Variants in HIBCH observed in about 807,000 individuals in gnomAD.
HIBCH encodes the protein 3-hydroxyisobutyryl-CoA hydrolase, mitochondrial.
Under a neutral mutation model 58.2 loss-of-function variants are expected in HIBCH, and 50 were observed. The observed-to-expected ratio is 0.86, with a 90% CI of 0.68 to 1.09. The LOEUF (loss-of-function observed/expected upper bound fraction) is 1.09, where lower values mean the gene tolerates loss of function less well. Among genes scored for constraint, HIBCH ranks in the 50% least tolerant of loss-of-function variants. HIBCH has a pLI of 0.00. For synonymous variants in HIBCH, 151 were observed against 146.9 expected, an observed-to-expected ratio of 1.03 and a Z score of -0.20; for missense variants, 450 against 449.7, an observed-to-expected ratio of 1.00 and a Z score of -0.01.
chr2:190,196,377 A>G (rs766113362), intron 1 of HIBCH, among the ~76,000 whole-genome samples: 1 of 151,952 alleles, frequency 6.6e-6, no homozygotes, highest in Non-Finnish European at 1.5e-5. Context: ...TGTACATTTC[A>G]GTTACTGATT....
chr2:190,197,109 A>G lies in HIBCH; in HGVS notation c.*18-7112T>C, dbSNP rs948316556. On this transcript the variant is annotated intron_variant, in intron 1 of 1. Transcript: ENST00000399855. The surrounding 1 kb of genome is among the most constrained non-coding windows in gnomAD (Gnocchi z 4.0). Reference sequence around the variant, plus strand: ...CTTTTATGAGAGCACTAAAACTCTAATATCATCACCCAAAGGCCCCACCTC... The same window carrying G: ...CTTTTATGAGAGCACTAAAACTCTAGTATCATCACCCAAAGGCCCCACCTC... 6.6e-6 allele frequency among the ~76,000 whole-genome samples: 1 copy of G among 152,144 alleles called. No individual in the cohort carries two copies. Among genetic ancestry groups the G allele is most frequent in the African/African-American group, 2.4e-5 (1 of 41,422 alleles).
chr2:190,200,201 G>C, downstream of HIBCH: 1 of 1,488,876 alleles, frequency 6.7e-7, no homozygotes, highest in South Asian at 1.2e-5. Flanking sequence ...GAATAAATGT[G>C]ACAAAAGCAA....
intron 1 of HIBCH, among the ~76,000 whole-genome samples, chr2:190,196,403 A>G (rs939936161): frequency 6.6e-6 from 1 of 151,828 alleles, no homozygotes; most frequent in African/African-American, 2.4e-5. Flanking sequence ...TTTTTATTTT[A>G]CAATTTCCAT....
intron 5 of HIBCH, among the ~76,000 whole-genome samples, chr2:190,289,810 C>T (rs2582742): frequency 0.72 from 110,096 of 152,082 alleles, 40,335 homozygotes; most frequent in Non-Finnish European, 0.75. Context: ...TACTTCATTT[C>T]ATAGAGAAAA....
At chr2:190,228,836 AT>A (rs962330942) in intron 11 of HIBCH, among the ~76,000 whole-genome samples, 59 of 152,312 alleles carry the variant, frequency 3.9e-4, no homozygotes, top group African/African-American at 1.3e-3. Flanking sequence ...TCTCATTTCA[AT>A]TCAAAAATAT....
At chr2:190,296,786 T>C (rs2105992483) in intron 3 of HIBCH, 27 bp downstream of exon 3, 2 of 1,587,890 alleles carry the variant, frequency 1.3e-6, no homozygotes, top group Non-Finnish European at 1.7e-6. Flanking sequence ...AAAGAATCCA[T>C]ATAATTGCAA....
intron 6 of HIBCH, among the ~76,000 whole-genome samples, chr2:190,264,295 A>T (rs565168143): frequency 4.6e-4 from 68 of 147,912 alleles, no homozygotes; most frequent in African/African-American, 1.6e-3. Flanking sequence ...TTTTTTTTTT[A>T]AACTCTCTTG....
At chr2:190,202,311 A>C (rs1389289906), downstream of HIBCH, 4 of 167,064 alleles carry the variant, frequency 2.4e-5, no homozygotes, top group Non-Finnish European at 4.4e-5. Flanking sequence ...TGAAACACTT[A>C]TGTCTGAAAT....
Position 190,216,121 on chromosome 2 carries a change from T to G in HIBCH, c.892-3046A>C, listed in dbSNP as rs1685518713. The G allele has an allele frequency of 6.7e-6, 1 of 150,296 alleles. No individual in the cohort carries two copies. The highest frequency in any genetic ancestry group is 2.5e-5 in the African/African-American group (1 of 40,518). The allele number at this position is 150,296 out of a possible 1,614,324, so 9.3% of individuals were successfully genotyped here. ...AAAATAATGTAAAAGGAAGAAAGAG[T>G]ACAAGAGGAGGTGAGAGGATGTGGA... On this transcript the variant is annotated intron_variant, in intron 11 of 13. Transcript: ENST00000359678. The surrounding 1 kb of genome is among the most constrained non-coding windows in gnomAD (Gnocchi z 4.2).
chr2:190,318,271 AG>A (rs1195174981), intron 1 of HIBCH, among the ~76,000 whole-genome samples: 3 of 151,946 alleles, frequency 2.0e-5, no homozygotes, highest in Non-Finnish European at 4.4e-5. Context: ...AAAAAGTCCA[AG>A]AGCTAAACTG....
chr2:190,278,050 G>C (rs1051892402), intron 6 of HIBCH, among the ~76,000 whole-genome samples: 2 of 152,042 alleles, frequency 1.3e-5, no homozygotes, highest in Non-Finnish European at 2.9e-5. Context: ...GAAAATAAAG[G>C]CTTTCTGAAT....
intron 5 of HIBCH, 43 bp from the exon 6 acceptor site, chr2:190,287,681 T>C (rs774983816): frequency 9.9e-6 from 14 of 1,417,152 alleles, no homozygotes; most frequent in African/African-American, 2.8e-5. Context: ...GTGTTTAAAA[T>C]ACATTCCCTT....
chr2:190,318,077 C>T (rs1335443063), intron 1 of HIBCH, among the ~76,000 whole-genome samples: 1 of 151,930 alleles, frequency 6.6e-6, no homozygotes, highest in Non-Finnish European at 1.5e-5. Flanking sequence ...ATGCCCGCCT[C>T]GGCCTCCCAA....
Position 190,217,312 on chromosome 2 carries a change from T to C in HIBCH, c.892-4237A>G, listed in dbSNP as rs1172225725. Among the ~76,000 whole-genome samples, 1 of 152,146 alleles carries C rather than the reference T, an allele frequency of 6.6e-6. No individual in the cohort carries two copies. The highest frequency in any genetic ancestry group is 2.4e-5 in the African/African-American group (1 of 41,452). On this transcript the variant is annotated intron_variant, in intron 11 of 13. Transcript: ENST00000359678. The surrounding 1 kb of genome is among the most constrained non-coding windows in gnomAD (Gnocchi z 4.6). ...CAGCCTGGCCAACATGGTGAAACCC[T>C]GTCTCCACTAAAACTACAAAAATCA...
At chr2:190,229,985 G>C (rs919135464) in intron 11 of HIBCH, among the ~76,000 whole-genome samples, 1 of 152,174 alleles carries the variant, frequency 6.6e-6, no homozygotes, top group Non-Finnish European at 1.5e-5. Flanking sequence ...GGTTACTGTA[G>C]AGAGCTTGTA....
At chr2:190,262,047 AAC>A (rs1235071581) in intron 6 of HIBCH, among the ~76,000 whole-genome samples, 5 of 152,206 alleles carry the variant, frequency 3.3e-5, no homozygotes, top group Non-Finnish European at 7.4e-5. Flanking sequence ...TTAAAACTAA[AAC>A]ACAGTGCACA....
At chr2:190,251,631 T>A (rs1438272539) in intron 8 of HIBCH, 3 of 382,316 alleles carry the variant, frequency 7.8e-6, no homozygotes, top group African/African-American at 2.2e-5. Context: ...ATCTATATAT[T>A]CTTTTCCACT....
At chr2:190,249,090 T>C (rs2664273) in intron 9 of HIBCH, among the ~76,000 whole-genome samples, 44,881 of 151,692 alleles carry the variant, frequency 0.3, 7,387 homozygotes, top group East Asian at 0.45. Flanking sequence ...CTGTCTCCTC[T>C]TCCGTTCTAC....
chr2:190,318,227 C>T (rs1031377741), intron 1 of HIBCH, among the ~76,000 whole-genome samples: 74 of 151,494 alleles, frequency 4.9e-4, no homozygotes, highest in Non-Finnish European at 9.6e-4. Flanking sequence ...ATTTGAGTTA[C>T]CCTAAGACAG....
Sources: allele counts gnomAD v4.1 joint callset (sites outside exome capture counted in the v4.1 genomes callset), GRCh38; gene constraint gnomAD v4.1.1; non-coding constraint Gnocchi (gnomAD v3.1); transcripts MANE v1.5; gene names NCBI Gene and HGNC (gene_info 2026-07-23, HGNC 2026-07-21).